Variants in ARNT2 observed in about 807,000 individuals in gnomAD.
ARNT2 encodes ARNT protein 2.
Under a neutral mutation model 91.7 loss-of-function variants are expected in ARNT2, and 36 were observed. The ratio of observed to expected loss-of-function variants is 0.39; its 90% confidence interval spans 0.30 to 0.52. The LOEUF (loss-of-function observed/expected upper bound fraction) is 0.52, where lower values mean the gene tolerates loss of function less well. Ranked by LOEUF, ARNT2 falls within the 20% of genes least tolerant of loss-of-function variation. The pLI, the probability that ARNT2 is intolerant of heterozygous loss-of-function variation, is 0.72. For missense variants in ARNT2, 775 were observed against 939.3 expected, an observed-to-expected ratio of 0.83 and a Z score of 2.29; for synonymous variants, 365 against 347.1, an observed-to-expected ratio of 1.05 and a Z score of -0.57.
At chr15:80,568,865 C>T (rs1170879313) in intron 12 of ARNT2, among the ~76,000 whole-genome samples, 1 of 152,236 alleles carries the variant, frequency 6.6e-6, no homozygotes, top group Admixed American at 6.5e-5. Context: ...TGACCATCTC[C>T]CCTGCCTTCC....
intron 11 of ARNT2, chr15:80,560,076 C>T (rs1797810956): frequency 6.6e-6 from 1 of 152,394 alleles, no homozygotes; most frequent in African/African-American, 2.4e-5. Flanking sequence ...TGTTCCAAAC[C>T]CCATTTCCCT....
At chr15:80,493,785 A>G (rs545608070) in intron 5 of ARNT2, among the ~76,000 whole-genome samples, 42 of 152,226 alleles carry the variant, frequency 2.8e-4, no homozygotes, top group Non-Finnish European at 4.6e-4. Flanking sequence ...TTGAAATTTG[A>G]TCCCTAATGT....
At chr15:80,554,819 G>A (rs1361759338) in intron 10 of ARNT2, 1 of 428,276 alleles carries the variant, frequency 2.3e-6, no homozygotes, top group East Asian at 3.5e-5. Flanking sequence ...AGCTACTGAT[G>A]TAGTGCCTTA....
chr15:80,540,283 A>G (rs1375136732), intron 8 of ARNT2, among the ~76,000 whole-genome samples: 1 of 152,154 alleles, frequency 6.6e-6, no homozygotes, highest in African/African-American at 2.4e-5. Flanking sequence ...GCAGTGTGTG[A>G]GTGTTCCAGT....
chr15:80,551,084 C>A, intron 8 of ARNT2, 115 bp from the exon 9 acceptor site: 1 of 984,318 alleles, frequency 1.0e-6, no homozygotes, highest in Non-Finnish European at 1.6e-6. Context: ...CTTCCCAGCC[C>A]TGCATGGCCA....
At chr15:80,449,873 C>T (rs917485198) in intron 1 of ARNT2, among the ~76,000 whole-genome samples, 1 of 152,282 alleles carries the variant, frequency 6.6e-6, no homozygotes, top group African/African-American at 2.4e-5. Flanking sequence ...TGTATCCTGA[C>T]CCATCTTTTA....
chr15:80,562,871 A>T, intron 11 of ARNT2: 1 of 639,838 alleles, frequency 1.6e-6, no homozygotes, highest in Non-Finnish European at 2.8e-6. Flanking sequence ...CCGTGGTTAC[A>T]GAATGACCCA....
chr15:80,547,263 CG>C (rs1596007524), intron 8 of ARNT2, among the ~76,000 whole-genome samples: 1 of 152,018 alleles, frequency 6.6e-6, no homozygotes, highest in African/African-American at 2.4e-5. Flanking sequence ...TGGGCCTTAG[CG>C]TGAATCAAAG....
intron 5 of ARNT2, among the ~76,000 whole-genome samples, chr15:80,500,145 C>G (rs1220046766): frequency 1.3e-5 from 2 of 152,174 alleles, no homozygotes; most frequent in African/African-American, 4.8e-5. Flanking sequence ...GAGCAGGCCT[C>G]AGGCACACTG....
intron 17 of ARNT2, among the ~76,000 whole-genome samples, chr15:80,583,118 CA>C (rs757318825): frequency 9.2e-5 from 14 of 152,238 alleles, no homozygotes; most frequent in Non-Finnish European, 1.8e-4. Flanking sequence ...GAGACTGGGT[CA>C]GGGGAGACAG....
chr15:80,557,059 A>G (rs558348022), intron 11 of ARNT2: 8 of 152,320 alleles, frequency 5.3e-5, no homozygotes, highest in South Asian at 2.1e-4. Context: ...CCTTACAAGT[A>G]TCTAAGAGTG....
chr15:80,423,104 C>T (rs1276097087), intron 1 of ARNT2, among the ~76,000 whole-genome samples: 5 of 152,138 alleles, frequency 3.3e-5, no homozygotes, highest in African/African-American at 1.2e-4. Flanking sequence ...AGGTTCTTAG[C>T]CTCTTTGCTT....
At chr15:80,439,574 A>G (rs1032754798) in intron 1 of ARNT2, among the ~76,000 whole-genome samples, 5 of 152,216 alleles carry the variant, frequency 3.3e-5, no homozygotes, top group African/African-American at 1.2e-4. Flanking sequence ...ATGATATTTA[A>G]AGGTTAAGTA....
intron 12 of ARNT2, among the ~76,000 whole-genome samples, chr15:80,568,164 C>A (rs1032925454): frequency 6.6e-6 from 1 of 152,204 alleles, no homozygotes; most frequent in South Asian, 2.1e-4. Context: ...TCCAGAAAAA[C>A]ACAGACTGAT....
At chr15:80,405,155 C>T (rs963049170) in intron 1 of ARNT2, among the ~76,000 whole-genome samples, 5 of 152,256 alleles carry the variant, frequency 3.3e-5, no homozygotes, top group Non-Finnish European at 7.3e-5. Context: ...CCTCTGCTTT[C>T]TGGTCTGACC....
At chr15:80,530,373 AC>A (rs1897717639) in intron 8 of ARNT2, among the ~76,000 whole-genome samples, 1 of 152,112 alleles carries the variant, frequency 6.6e-6, no homozygotes, top group African/African-American at 2.4e-5. Context: ...GCTGGGACTT[AC>A]TGGGAGGGAG....
intron 1 of ARNT2, among the ~76,000 whole-genome samples, chr15:80,426,793 A>G (rs1469582483): frequency 6.6e-6 from 1 of 152,146 alleles, no homozygotes; most frequent in Non-Finnish European, 1.5e-5. Flanking sequence ...AACAACAAAT[A>G]TTTATCTTCT....
chr15:80,520,664 T>G (rs964166338), intron 8 of ARNT2, among the ~76,000 whole-genome samples: 1 of 152,106 alleles, frequency 6.6e-6, no homozygotes, highest in African/African-American at 2.4e-5. Context: ...GATGATAACG[T>G]GAGTGTATAC....
At chr15:80,421,679 G>C (rs150059916) in intron 1 of ARNT2, among the ~76,000 whole-genome samples, 2 of 152,232 alleles carry the variant, frequency 1.3e-5, no homozygotes, top group African/African-American at 4.8e-5. Flanking sequence ...ATTTCTTCCA[G>C]CTTGGCTGTT....
Sources: gnomAD v4.1 joint callset for allele counts (sites outside exome capture counted in the v4.1 genomes callset) on GRCh38, gnomAD v4.1.1 for gene constraint, MANE v1.5 for transcripts, NCBI Gene and HGNC (gene_info 2026-07-23, HGNC 2026-07-21) for gene names.